Variants in LHFPL3 observed in about 807,000 individuals in gnomAD.
LHFPL3 encodes the protein LHFPL tetraspan subfamily member 3, also known as LHFPL tetraspan subfamily member 3 protein.
In LHFPL3, 5 loss-of-function variants were observed where a neutral mutation model predicts 19.3. The observed-to-expected ratio is 0.26, with a 90% CI of 0.14 to 0.54. LHFPL3 has a LOEUF of 0.54. Ranked by LOEUF, LHFPL3 falls within the 20% of genes least tolerant of loss-of-function variation. LHFPL3 has a pLI of 0.94. For synonymous variants in LHFPL3, 133 were observed against 126.2 expected (o/e 1.05, Z -0.36); for missense variants, 249 against 307.4 (o/e 0.81, Z 1.42).
In LHFPL3 at chr7:104,399,189, T is replaced by C. The variant is rs1035854449; in HGVS notation, c.445+69965T>C. On this transcript the variant is annotated intron_variant, in intron 1 of 2. Transcript: ENST00000424859. The surrounding 1 kb of genome is among the most constrained non-coding windows in gnomAD (Gnocchi z 4.4). ...GAGCTGCCCCAGGAGCTGCCACCCC[T>C]GATGTCCTCTTACTTCCCTTGATAT... Among the ~76,000 whole-genome samples the C allele has an allele frequency of 6.6e-6, 1 of 152,120 alleles. No individual in the cohort carries two copies. The highest frequency in any genetic ancestry group is 1.5e-5 in the Non-Finnish European group (1 of 68,022).
chr7:104,433,700 GGACTCAGCTTTGTCTT>G (rs1266737083), intron 1 of LHFPL3, among the ~76,000 whole-genome samples: 1 of 152,004 alleles, frequency 6.6e-6, no homozygotes, highest in Non-Finnish European at 1.5e-5. Flanking sequence ...GGTTCCTTTT[GGACTCAGCTTTGTCTT>G]GAGCTTTGCC....
chr7:104,714,262 A>G (rs943665456), intron 1 of LHFPL3, among the ~76,000 whole-genome samples: 6 of 152,088 alleles, frequency 3.9e-5, no homozygotes, highest in East Asian at 3.9e-4. Context: ...TTTCAATTCA[A>G]TTTCTCTAGA....
chr7:104,414,405 G>C (rs532911216), intron 1 of LHFPL3, among the ~76,000 whole-genome samples: 5 of 152,276 alleles, frequency 3.3e-5, no homozygotes, highest in African/African-American at 1.2e-4. Flanking sequence ...GGACAACATC[G>C]TTAGGCTCTT....
intron 1 of LHFPL3, among the ~76,000 whole-genome samples, chr7:104,364,432 A>G (rs527295563): frequency 6.6e-6 from 1 of 152,264 alleles, no homozygotes; most frequent in South Asian, 2.1e-4. Flanking sequence ...TATGAAAAGA[A>G]AAATGGCTTA....
intron 2 of LHFPL3, among the ~76,000 whole-genome samples, chr7:104,829,384 A>G (rs1355767075): frequency 2.0e-4 from 31 of 151,558 alleles, no homozygotes; most frequent in African/African-American, 4.1e-4. Flanking sequence ...CAATGTGCAA[A>G]TTACTTACAT....
At chr7:104,750,666 A>G (rs1425263940) in intron 2 of LHFPL3, among the ~76,000 whole-genome samples, 1 of 152,236 alleles carries the variant, frequency 6.6e-6, no homozygotes, top group East Asian at 1.9e-4. Context: ...CTGCTTGTAT[A>G]GTACATAAAT....
intron 1 of LHFPL3, among the ~76,000 whole-genome samples, chr7:104,444,983 C>T (rs993603336): frequency 1.3e-4 from 19 of 146,898 alleles, no homozygotes; most frequent in African/African-American, 4.8e-4. Context: ...AGTGAAACTC[C>T]GTCTCCAAAA....
chr7:104,866,847 G>A (rs969749963), intron 2 of LHFPL3, among the ~76,000 whole-genome samples: 6 of 152,270 alleles, frequency 3.9e-5, no homozygotes, highest in African/African-American at 1.2e-4. Context: ...CTCAGCAAAT[G>A]TAAAAGAACA....
intron 2 of LHFPL3, among the ~76,000 whole-genome samples, chr7:104,833,065 T>TAG (rs371475727): frequency 0.11 from 9,128 of 85,364 alleles, 3,896 homozygotes; most frequent in Non-Finnish European, 0.15. Flanking sequence ...TTATATATAA[T>TAG]ATATATATTA....
intron 1 of LHFPL3, among the ~76,000 whole-genome samples, chr7:104,375,252 C>A (rs1790690523): frequency 6.6e-6 from 1 of 152,116 alleles, no homozygotes. Flanking sequence ...GCAGGAGAAT[C>A]ACTTGAACCT....
At chr7:104,695,988 T>C (rs1474915753) in intron 1 of LHFPL3, among the ~76,000 whole-genome samples, 1 of 152,230 alleles carries the variant, frequency 6.6e-6, no homozygotes, top group Non-Finnish European at 1.5e-5. Flanking sequence ...TCTCACTCTG[T>C]TGCCCAGACT....
At chr7:104,658,885 C>T (rs1490407718) in intron 1 of LHFPL3, among the ~76,000 whole-genome samples, 1 of 152,150 alleles carries the variant, frequency 6.6e-6, no homozygotes, top group East Asian at 1.9e-4. Flanking sequence ...ACGCATACCC[C>T]AGATAATTAT....
At chr7:104,612,734 G>T (rs1175768293) in intron 1 of LHFPL3, among the ~76,000 whole-genome samples, 1 of 152,192 alleles carries the variant, frequency 6.6e-6, no homozygotes, top group Non-Finnish European at 1.5e-5. Context: ...ATACAGGGAG[G>T]TGGAATGCTG....
chr7:104,468,032 G>A (rs911583282), intron 1 of LHFPL3, among the ~76,000 whole-genome samples: 2 of 152,208 alleles, frequency 1.3e-5, no homozygotes, highest in African/African-American at 2.4e-5. Flanking sequence ...GATATTTTAA[G>A]CAGAAAGATT....
chr7:104,866,368 G>T (rs1188483301), intron 2 of LHFPL3, among the ~76,000 whole-genome samples: 2 of 152,112 alleles, frequency 1.3e-5, no homozygotes, highest in Admixed American at 6.6e-5. Flanking sequence ...TCAAAATAAA[G>T]GGATGGAGGA....
At chr7:104,510,955 G>T (rs530334118) in intron 1 of LHFPL3, among the ~76,000 whole-genome samples, 3 of 152,128 alleles carry the variant, frequency 2.0e-5, no homozygotes, top group Admixed American at 2.0e-4. Flanking sequence ...TGGGTACTAG[G>T]CTTAATACCT....
At chr7:104,743,705 A>G (rs1793980181) in intron 2 of LHFPL3, among the ~76,000 whole-genome samples, 1 of 152,208 alleles carries the variant, frequency 6.6e-6, no homozygotes, top group African/African-American at 2.4e-5. Flanking sequence ...ATCAAAAACC[A>G]AGCTACAGAA....
chr7:104,679,104 T>C (rs1792646041), intron 1 of LHFPL3, among the ~76,000 whole-genome samples: 1 of 152,256 alleles, frequency 6.6e-6, no homozygotes, highest in Non-Finnish European at 1.5e-5. Context: ...CTGGTAGTTC[T>C]AGCTCAAGGT....
intron 1 of LHFPL3, among the ~76,000 whole-genome samples, chr7:104,633,289 T>C (rs1402202330): frequency 6.6e-6 from 1 of 152,174 alleles, no homozygotes; most frequent in East Asian, 1.9e-4. Context: ...CCATTCTGAG[T>C]TCTTAGATTA....
Sources: allele counts gnomAD v4.1 joint callset (sites outside exome capture counted in the v4.1 genomes callset), GRCh38; gene constraint gnomAD v4.1.1; non-coding constraint Gnocchi (gnomAD v3.1); transcripts MANE v1.5; gene names NCBI Gene and HGNC (gene_info 2026-07-23, HGNC 2026-07-21).